Variants in ADAMTSL1 observed in about 807,000 individuals in gnomAD.
ADAMTSL1 encodes the protein ADAMTS like 1, also known as ADAMTS-like protein 1.
ADAMTSL1 carries 126 observed loss-of-function variants against 201.8 expected under a neutral mutation model. The ratio of observed to expected loss-of-function variants is 0.62; its 90% CI spans 0.54 to 0.72. ADAMTSL1 has a LOEUF of 0.72. ADAMTSL1 is among the 30% of genes least tolerant of loss of function. The pLI is 0.00. For synonymous variants in ADAMTSL1, 1,121 were observed against 903.4 expected (o/e 1.24, Z -4.32); for missense variants, 2,679 against 2,277.8 (o/e 1.18, Z -3.59).
At chr9:18,509,292 T>G (rs1015255735) in intron 2 of ADAMTSL1, among the ~76,000 whole-genome samples, 1 of 150,184 alleles carries the variant, frequency 6.7e-6, no homozygotes, top group Non-Finnish European at 1.5e-5. Context: ...GTTTGATTTT[T>G]AAAGTTTTCA....
chr9:18,704,688 T>G (rs1832128376), intron 13 of ADAMTSL1, among the ~76,000 whole-genome samples: 1 of 152,190 alleles, frequency 6.6e-6, no homozygotes, highest in South Asian at 2.1e-4. Context: ...TTGATAGCAG[T>G]TTTTGGTTTT....
chr9:18,893,516 A>C (rs1404496120), intron 26 of ADAMTSL1, among the ~76,000 whole-genome samples: 1 of 152,184 alleles, frequency 6.6e-6, no homozygotes, highest in Non-Finnish European at 1.5e-5. Context: ...TCACCTGGGA[A>C]TCTTATTAAA....
chr9:18,655,806 T>TAAAAAAAAAAAA lies in ADAMTSL1; in HGVS notation c.835-1813_835-1802dup, dbSNP rs56662538. ...AGAGAGCTAGAGGCTTTTGTGAGCT[T>TAAAAAAAAAAAA]AAAAAAAAAAAAAAAAAAAAAAAAA... On this transcript the variant is annotated intron_variant, in intron 7 of 28. Coordinates refer to ENST00000380548, the MANE Select transcript of ADAMTSL1 (RefSeq NM_001040272.6). Among the ~76,000 whole-genome samples, 162 of 81,828 alleles carry TAAAAAAAAAAAA rather than the reference T, an allele frequency of 2.0e-3. 14 individuals carry two copies. Among genetic ancestry groups the TAAAAAAAAAAAA allele is most frequent in the African/African-American group, 9.2e-3 (139 of 15,094 alleles). The allele number at this position is 81,828 out of a possible 152,430, so 53.7% of individuals were successfully genotyped here. A position where few individuals can be genotyped will look rare whatever the true frequency, so the allele number is the denominator to read the frequency against.
At chr9:18,223,315 A>T (rs976196663) in intron 2 of ADAMTSL1, among the ~76,000 whole-genome samples, 3 of 152,128 alleles carry the variant, frequency 2.0e-5, no homozygotes, top group African/African-American at 7.2e-5. Context: ...TAATGCAATT[A>T]TTCTAAAATC....
chr9:18,133,964 T>C (rs1826053465), intron 1 of ADAMTSL1, among the ~76,000 whole-genome samples: 1 of 152,124 alleles, frequency 6.6e-6, no homozygotes, highest in African/African-American at 2.4e-5. Context: ...GGAAGGGTGG[T>C]ATGTTGGAAT....
chr9:18,448,025 CTT>C (rs1360459301), intron 2 of ADAMTSL1, among the ~76,000 whole-genome samples: 1 of 151,522 alleles, frequency 6.6e-6, no homozygotes. Context: ...CGCTCTCGCT[CTT>C]TCTCTCTCTC....
intron 19 of ADAMTSL1, among the ~76,000 whole-genome samples, chr9:18,792,627 CT>C (rs1822131687): frequency 6.6e-6 from 1 of 152,318 alleles, no homozygotes; most frequent in African/African-American, 2.4e-5. Context: ...TTGACTAAGC[CT>C]GCTTTCATTA....
intron 2 of ADAMTSL1, among the ~76,000 whole-genome samples, chr9:18,509,709 C>G (rs1262157567): frequency 6.6e-6 from 1 of 152,184 alleles, no homozygotes; most frequent in Admixed American, 6.5e-5. Flanking sequence ...GCTTCTGTAC[C>G]ATATTTGCTA....
At chr9:18,659,329 C>T (rs1040581341) in intron 8 of ADAMTSL1, among the ~76,000 whole-genome samples, 1 of 152,156 alleles carries the variant, frequency 6.6e-6, no homozygotes, top group African/African-American at 2.4e-5. Flanking sequence ...TTCTATGGAG[C>T]AATGTTGGAT....
chr9:18,100,028 G>A (rs185101654), intron 1 of ADAMTSL1, among the ~76,000 whole-genome samples: 248 of 152,052 alleles, frequency 1.6e-3, no homozygotes, highest in African/African-American at 5.7e-3. Context: ...TTTTTTCTAA[G>A]TGCAGTCACT....
chr9:18,786,773 G>A (rs1174660373), intron 19 of ADAMTSL1, among the ~76,000 whole-genome samples: 2 of 152,174 alleles, frequency 1.3e-5, no homozygotes, highest in South Asian at 2.1e-4. Context: ...CTAAATCCAG[G>A]CATCATGAGG....
chr9:18,337,608 A>C (rs1835297401), intron 2 of ADAMTSL1, among the ~76,000 whole-genome samples: 1 of 152,168 alleles, frequency 6.6e-6, no homozygotes, highest in Admixed American at 6.5e-5. Flanking sequence ...TAAGTGGCAA[A>C]ATCGGGAGTT....
intron 1 of ADAMTSL1, among the ~76,000 whole-genome samples, chr9:18,125,400 A>G (rs752371482): frequency 2.0e-5 from 3 of 152,110 alleles, no homozygotes; most frequent in Non-Finnish European, 4.4e-5. Context: ...TCAAGTTAAG[A>G]TTTGGGTAGG....
intron 1 of ADAMTSL1, among the ~76,000 whole-genome samples, chr9:17,994,918 A>G (rs953447829): frequency 2.0e-5 from 3 of 152,218 alleles, no homozygotes; most frequent in Non-Finnish European, 4.4e-5. Flanking sequence ...CGCCCTTTAC[A>G]GGACCCAAAT....
At chr9:18,268,064 T>A (rs1328885786) in intron 2 of ADAMTSL1, among the ~76,000 whole-genome samples, 1 of 152,216 alleles carries the variant, frequency 6.6e-6, no homozygotes, top group African/African-American at 2.4e-5. Context: ...GCCAAGAAGA[T>A]GTGAACCTTC....
At chr9:18,481,502 T>TTA (rs1011081912) in intron 1 of ADAMTSL1, among the ~76,000 whole-genome samples, 1 of 141,624 alleles carries the variant, frequency 7.1e-6, no homozygotes, top group African/African-American at 2.6e-5. Context: ...TTGTCAAGAG[T>TTA]TTTTTTTTTT....
Position 18,504,885 on chromosome 9 carries a change from C to G in ADAMTSL1, c.120C>G (p.Gly40=). 6.2e-7 allele frequency: 1 copy of G among 1,613,456 alleles called. No homozygotes were observed. Among genetic ancestry groups the G allele is most frequent in the Non-Finnish European group, 8.5e-7 (1 of 1,179,816 alleles). ...GGGACGGCCTATGGGATGCCTGGGG[C>G]CCATGGAGTGAATGCTCACGCACCT... The part of the protein sequence containing the change: ...EDRDGLWDAW[G]PWSECSRTCG... The change falls in exon 2 of 29, where the codon GGC becomes GGG. Residue 40 remains glycine (G), a synonymous_variant. Coordinates refer to ENST00000380548, the MANE Select transcript of ADAMTSL1 (RefSeq NM_001040272.6).
In ADAMTSL1 at chr9:18,657,784, C is replaced by T. The variant is rs776395871; in HGVS notation, c.946+34C>T. Reference sequence around the variant, plus strand: ...GTTCACTTAGTCTAAAAACTGTTGGCTTCTGTGAGGAAATACTTGGGTATT... The same window carrying T: ...GTTCACTTAGTCTAAAAACTGTTGGTTTCTGTGAGGAAATACTTGGGTATT... On this transcript the variant is annotated intron_variant, in intron 8 of 28. Coordinates refer to ENST00000380548, the MANE Select transcript of ADAMTSL1 (RefSeq NM_001040272.6). 5.8e-6 allele frequency: 9 copies of T among 1,549,758 alleles called. No homozygotes were observed. In the South Asian group the frequency reaches 6.7e-5, roughly 12 times the overall value.
At chr9:18,795,343 C>CA in intron 19 of ADAMTSL1, 54 bp from the exon 20 acceptor site, 1 of 1,606,034 alleles carries the variant, frequency 6.2e-7, no homozygotes, top group Non-Finnish European at 8.5e-7. Context: ...TATTGAATGC[C>CA]AAAAAGGAGT....
Sources: allele counts gnomAD v4.1 joint callset (sites outside exome capture counted in the v4.1 genomes callset), GRCh38; gene constraint gnomAD v4.1.1; transcripts MANE v1.5; gene names NCBI Gene and HGNC (gene_info 2026-07-23, HGNC 2026-07-21).